Variants in CSMD2 observed in about 807,000 individuals in gnomAD.
CSMD2 encodes the protein CUB and Sushi multiple domains 2.
Under a neutral mutation model 398.5 loss-of-function variants are expected in CSMD2, and 130 were observed. That is an observed-to-expected ratio of 0.33 (90% CI 0.28 to 0.38). The LOEUF (loss-of-function observed/expected upper bound fraction) is 0.38. Among genes scored for constraint, CSMD2 ranks in the 10% least tolerant of loss-of-function variants. CSMD2 has a pLI of 1.00. For synonymous variants in CSMD2, 1,828 were observed against 1,908.5 expected (o/e 0.96, Z 1.10); for missense variants, 3,829 against 4,764.9 (o/e 0.80, Z 5.78).
At chr1:33,717,358 G>T (rs957502988) in intron 19 of CSMD2, among the ~76,000 whole-genome samples, 1 of 152,070 alleles carries the variant, frequency 6.6e-6, no homozygotes, top group African/African-American at 2.4e-5. Flanking sequence ...TCTGCACTGG[G>T]AGAGGATGGG....
intron 64 of CSMD2, among the ~76,000 whole-genome samples, chr1:33,529,568 C>A (rs1472157551): frequency 1.3e-5 from 2 of 152,136 alleles, no homozygotes; most frequent in African/African-American, 2.4e-5. Context: ...GGTGCTGGAA[C>A]AACTGGATAG....
intron 55 of CSMD2, among the ~76,000 whole-genome samples, chr1:33,553,159 A>G (rs1657619755): frequency 6.8e-6 from 1 of 146,856 alleles, no homozygotes; most frequent in African/African-American, 2.4e-5. Flanking sequence ...TGCTTTACAG[A>G]TGTTGTTTTT....
chr1:33,788,420 A>G (rs182570910), intron 12 of CSMD2, among the ~76,000 whole-genome samples, 180 bp downstream of exon 12: 140 of 151,546 alleles, frequency 9.2e-4, no homozygotes, highest in Admixed American at 2.0e-3. Flanking sequence ...AGGCAGGAGA[A>G]TCACTTGAAC....
chr1:33,662,852 G>C (rs1216557234), intron 26 of CSMD2, 38 bp downstream of exon 26: 5 of 1,587,754 alleles, frequency 3.1e-6, no homozygotes, highest in Non-Finnish European at 4.3e-6. Flanking sequence ...CATGTGTCAG[G>C]ACATGTGGAG....
rs1658938402 is a variant in CSMD2 at position 33,565,159 on chromosome 1, G to A, written c.8380+2434C>T. On this transcript the variant is annotated intron_variant, in intron 53 of 70. Coordinates refer to ENST00000373381, the MANE Select transcript of CSMD2 (RefSeq NM_001281956.2). ...TATGAGAAAGAGAAGAGAGGAGCAG[G>A]TGAAGGGCTTAACACTGATCTAAAA... Among the ~76,000 whole-genome samples the A allele has an allele frequency of 2.6e-5, 4 of 152,152 alleles. No individual in the cohort carries two copies. In the South Asian group the frequency reaches 8.3e-4, roughly 32 times the overall value.
intron 4 of CSMD2, among the ~76,000 whole-genome samples, chr1:33,924,049 TATCA>T (rs1644039601): frequency 6.6e-6 from 1 of 152,204 alleles, no homozygotes; most frequent in African/African-American, 2.4e-5. Context: ...CTCTGGTAAC[TATCA>T]ATCATTCTAC....
rs1358613024 is a variant in CSMD2, at chr1:34,164,189, C to T, written c.187+722G>A. On this transcript the variant is annotated intron_variant, in intron 1 of 70. Transcript: ENST00000373381. This position sits in a 1 kb window ranked among gnomAD's most constrained non-coding sequence, Gnocchi z 6.2. ...CGAAGCCTGGCGGCGGCACTCCCTC[C>T]CCCGCCTCGGGCTACAACCCCCACC... Among the ~76,000 whole-genome samples the T allele has an allele frequency of 6.6e-6, 1 of 152,072 alleles. No homozygotes were observed. Among genetic ancestry groups the T allele is most frequent in the Non-Finnish European group, 1.5e-5 (1 of 68,004 alleles).
At chr1:33,689,076 GAGGGA>G in intron 25 of CSMD2, among the ~76,000 whole-genome samples, 2 of 115,008 alleles carry the variant, frequency 1.7e-5, no homozygotes, top group Admixed American at 9.2e-5. Flanking sequence ...GGGAAAGAAG[GAGGGA>G]AGGAGAGGAG....
At chr1:33,805,513 T>C (rs1656122080) in intron 10 of CSMD2, among the ~76,000 whole-genome samples, 1 of 152,040 alleles carries the variant, frequency 6.6e-6, no homozygotes, top group Non-Finnish European at 1.5e-5. Flanking sequence ...AAAATAAAAA[T>C]AAAAAAAGCA....
intron 12 of CSMD2, among the ~76,000 whole-genome samples, chr1:33,786,361 A>G (rs10914778): frequency 0.06 from 9,206 of 152,212 alleles, 907 homozygotes; most frequent in African/African-American, 0.21. Flanking sequence ...GTGAAAACTT[A>G]GCAACTTTGC....
chr1:33,665,630 G>A (rs2149009705), intron 25 of CSMD2, among the ~76,000 whole-genome samples: 1 of 151,878 alleles, frequency 6.6e-6, no homozygotes, highest in South Asian at 2.1e-4. Flanking sequence ...GTTTTTCTGT[G>A]TTGCTCAGGC....
intron 37 of CSMD2, among the ~76,000 whole-genome samples, chr1:33,617,826 G>A (rs1161613711): frequency 6.6e-6 from 1 of 152,178 alleles, no homozygotes; most frequent in Non-Finnish European, 1.5e-5. Context: ...AGGCTCAACA[G>A]ACCAAAGCTC....
intron 3 of CSMD2, among the ~76,000 whole-genome samples, chr1:33,944,239 C>A (rs75021807): frequency 6.6e-6 from 1 of 151,666 alleles, no homozygotes; most frequent in Non-Finnish European, 1.5e-5. Context: ...CGCCCCCCCC[C>A]CAACTCCTGT....
rs931231290 is a variant in CSMD2, at chr1:33,635,689, G to A, written c.4970-359C>T. On this transcript the variant is annotated intron_variant, in intron 30 of 70. Coordinates refer to ENST00000373381, the MANE Select transcript of CSMD2 (RefSeq NM_001281956.2). The surrounding 1 kb of genome is among the most constrained non-coding windows in gnomAD (Gnocchi z 5.0). The stretch of plus-strand genomic sequence containing the variant: ...CTAGAAATGATCTGCTGCCCTGGCT[G>A]ACATCTAACCTGGACAGTGAGTGTC... 6.6e-6 allele frequency among the ~76,000 whole-genome samples: 1 copy of A among 152,182 alleles called. No individual in the cohort carries two copies. Among genetic ancestry groups the A allele is most frequent in the African/African-American group, 2.4e-5 (1 of 41,440 alleles).
At chr1:33,648,659 G>C (rs1024832808) in intron 28 of CSMD2, among the ~76,000 whole-genome samples, 2 of 152,152 alleles carry the variant, frequency 1.3e-5, no homozygotes, top group African/African-American at 2.4e-5. Context: ...AGTTTGTTTT[G>C]AGAAAGTTAG....
chr1:33,540,374 C>A, intron 60 of CSMD2, 151 bp downstream of exon 60: 1 of 709,312 alleles, frequency 1.4e-6, no homozygotes, highest in Non-Finnish European at 2.3e-6. Context: ...TTTCCACTTC[C>A]TTCCCTCTTT....
chr1:33,552,104 C>A (rs1657500161), intron 55 of CSMD2, among the ~76,000 whole-genome samples: 1 of 152,176 alleles, frequency 6.6e-6, no homozygotes, highest in African/African-American at 2.4e-5. Flanking sequence ...AAGAAAATGG[C>A]TGTTGCATTA....
At chr1:33,827,542 C>G (rs770054305) in intron 6 of CSMD2, among the ~76,000 whole-genome samples, 1 of 152,188 alleles carries the variant, frequency 6.6e-6, no homozygotes, top group African/African-American at 2.4e-5. Flanking sequence ...GCAACCCCAG[C>G]TCTCCCTGCC....
intron 5 of CSMD2, among the ~76,000 whole-genome samples, chr1:33,902,735 G>A (rs1205333799): frequency 6.6e-6 from 1 of 152,208 alleles, no homozygotes; most frequent in Non-Finnish European, 1.5e-5. Flanking sequence ...GCCACATGCA[G>A]GACTGGCTCT....
Sources: allele counts gnomAD v4.1 joint callset (sites outside exome capture counted in the v4.1 genomes callset), GRCh38; gene constraint gnomAD v4.1.1; non-coding constraint Gnocchi (gnomAD v3.1); transcripts MANE v1.5; gene names NCBI Gene and HGNC (gene_info 2026-07-23, HGNC 2026-07-21).